RPTOR: variants seen among roughly 807,000 people sequenced by gnomAD.
RPTOR encodes the protein regulatory-associated protein of mTOR.
Under a neutral mutation model 169.9 loss-of-function variants are expected in RPTOR, and 21 were observed. The observed-to-expected ratio is 0.12, with a 90% CI of 0.09 to 0.18. RPTOR has a LOEUF of 0.18. Among genes scored for constraint, RPTOR ranks in the 10% least tolerant of loss-of-function variants. The pLI, the probability that RPTOR is intolerant of heterozygous loss-of-function variation, is 1.00. For synonymous variants in RPTOR, 732 were observed against 753.2 expected, an observed-to-expected ratio of 0.97 and a Z score of 0.46; for missense variants, 1,133 against 1,855.9, an observed-to-expected ratio of 0.61 and a Z score of 7.16.
chr17:80,674,720 G>A (rs1284461559), intron 3 of RPTOR, among the ~76,000 whole-genome samples: 5 of 146,014 alleles, frequency 3.4e-5, no homozygotes, highest in Admixed American at 1.4e-4. Flanking sequence ...CCTGGGAGGC[G>A]AAGCTTTCAG....
intron 21 of RPTOR, among the ~76,000 whole-genome samples, chr17:80,917,365 C>T (rs1329731260): frequency 1.3e-5 from 2 of 152,108 alleles, no homozygotes; most frequent in South Asian, 2.1e-4. Context: ...CCACCTGTCT[C>T]GGCCTCCCAA....
chr17:80,623,135 A>AT (rs1296905769), intron 1 of RPTOR, among the ~76,000 whole-genome samples: 1 of 152,196 alleles, frequency 6.6e-6, no homozygotes, highest in Non-Finnish European at 1.5e-5. Context: ...CTCCACTGTC[A>AT]TCATTTTGTT....
At chr17:80,753,159 C>T (rs567958350) in intron 5 of RPTOR, among the ~76,000 whole-genome samples, 2 of 152,178 alleles carry the variant, frequency 1.3e-5, no homozygotes, top group African/African-American at 2.4e-5. Flanking sequence ...CCTAATCCCC[C>T]ACTCGGGGAT....
Position 80,879,748 on chromosome 17 carries a change from C to T in RPTOR, c.1510-667C>T, listed in dbSNP as rs1265160939. ...GTGCTGACAGCACACAGTAGGTCCT[C>T]ACGACTGAGGCGAGTCATGGCCACG... On this transcript the variant is annotated intron_variant, in intron 13 of 33. Coordinates refer to ENST00000306801, the MANE Select transcript of RPTOR (RefSeq NM_020761.3). 5.9e-5 allele frequency among the ~76,000 whole-genome samples: 9 copies of T among 152,312 alleles called. 1 individual carries two copies. In the South Asian group the frequency reaches 1.4e-3, roughly 25 times the overall value.
At chr17:80,586,946 G>A (rs2065065686) in intron 1 of RPTOR, among the ~76,000 whole-genome samples, 1 of 152,248 alleles carries the variant, frequency 6.6e-6, no homozygotes, top group African/African-American at 2.4e-5. Flanking sequence ...TCAGCATGTA[G>A]CTGTGCTCCG....
At chr17:80,750,408 A>G (rs1014145584) in intron 5 of RPTOR, among the ~76,000 whole-genome samples, 3 of 152,210 alleles carry the variant, frequency 2.0e-5, no homozygotes, top group Admixed American at 6.5e-5. Context: ...GGCGCCTTCC[A>G]CAGTTCAGGA....
chr17:80,762,905 T>TA (rs1176706962), intron 6 of RPTOR, among the ~76,000 whole-genome samples: 11 of 152,028 alleles, frequency 7.2e-5, no homozygotes, highest in Non-Finnish European at 1.5e-4. Context: ...AAGTGTGAGA[T>TA]ACGATGGCTA....
At chr17:80,641,251 T>G (rs2065551880) in intron 2 of RPTOR, among the ~76,000 whole-genome samples, 1 of 152,180 alleles carries the variant, frequency 6.6e-6, no homozygotes, top group African/African-American at 2.4e-5. Context: ...TTATAACAAA[T>G]TTACCACAAT....
intron 6 of RPTOR, among the ~76,000 whole-genome samples, chr17:80,775,335 T>G (rs2066883082): frequency 2.6e-5 from 4 of 152,206 alleles, no homozygotes; most frequent in African/African-American, 9.7e-5. Context: ...AGTCTCAAAC[T>G]CCTGGCCTCA....
In RPTOR at chr17:80,545,614, AC is replaced by A; in HGVS notation, c.-11del. The stretch of plus-strand genomic sequence containing the variant: ...AGCGCTTGCTGCCAAGGACTCCCCC[AC>A]CCCCTCCCCCACTGATGGAGTCCGA... On this transcript the variant is annotated 5_prime_UTR_variant, in exon 1 of 34. Coordinates refer to ENST00000306801, the MANE Select transcript of RPTOR (RefSeq NM_020761.3). The A allele has an allele frequency of 6.9e-6, 11 of 1,594,084 alleles. No homozygotes were observed. The highest frequency in any genetic ancestry group is 4.5e-5 in the South Asian group (4 of 89,590).
rs116394087 is a variant in RPTOR, at chr17:80,659,937, G to A, written c.348+16127G>A. 0.062 allele frequency among the ~76,000 whole-genome samples: 9,484 copies of A among 152,196 alleles called. 994 individuals carry two copies. Among genetic ancestry groups the A allele is most frequent in the African/African-American group, 0.22 (9,044 of 41,486 alleles). On this transcript the variant is annotated intron_variant, in intron 3 of 33. Coordinates refer to ENST00000306801, the MANE Select transcript of RPTOR (RefSeq NM_020761.3). The surrounding 1 kb of genome is among the most constrained non-coding windows in gnomAD (Gnocchi z 4.3). ...TGCTGGGATTTGAGCATGAACCACC[G>A]TGCCTGGCCTGCAGGTAATATTCTT... is the stretch of plus-strand genomic sequence containing the variant.
At chr17:80,785,905 A>AG (rs1567910395) in intron 6 of RPTOR, among the ~76,000 whole-genome samples, 1 of 152,178 alleles carries the variant, frequency 6.6e-6, no homozygotes, top group African/African-American at 2.4e-5. Flanking sequence ...TGGCGAGAGC[A>AG]GGGGGGTGCC....
chr17:80,693,840 G>A (rs1567861212), intron 3 of RPTOR, among the ~76,000 whole-genome samples: 2 of 152,174 alleles, frequency 1.3e-5, no homozygotes, highest in Non-Finnish European at 2.9e-5. Context: ...AGGTGGGCAC[G>A]GGCCTGGAAC....
chr17:80,833,758 G>A (rs182688787), intron 9 of RPTOR, among the ~76,000 whole-genome samples: 22 of 152,332 alleles, frequency 1.4e-4, no homozygotes, highest in African/African-American at 3.6e-4. Context: ...GGGAGGCCAC[G>A]GCAGGCAGAT....
At chr17:80,849,836 C>T (rs1280938214) in intron 11 of RPTOR, among the ~76,000 whole-genome samples, 8 of 152,210 alleles carry the variant, frequency 5.3e-5, no homozygotes, top group Non-Finnish European at 1.0e-4. Flanking sequence ...CGTCTTCTCA[C>T]GAGGAGCTCT....
intron 7 of RPTOR, among the ~76,000 whole-genome samples, chr17:80,793,936 C>T (rs1423347562): frequency 1.3e-5 from 2 of 152,190 alleles, no homozygotes; most frequent in African/African-American, 4.8e-5. Context: ...CTCAGGACAG[C>T]CCCACTGTCG....
At chr17:80,914,100 A>T (rs906191144) in intron 21 of RPTOR, among the ~76,000 whole-genome samples, 3 of 152,264 alleles carry the variant, frequency 2.0e-5, no homozygotes, top group Non-Finnish European at 4.4e-5. Context: ...AAAGGGGTGT[A>T]CTTAACGAAA....
At position 80,830,564 on chromosome 17, in the gene RPTOR, C is replaced by T. The variant is rs551588915; in HGVS notation, c.1136+7341C>T. 4.6e-5 allele frequency among the ~76,000 whole-genome samples: 7 copies of T among 152,306 alleles called. No individual in the cohort carries two copies. The South Asian group carries it at 8.3e-4, about 18-fold the overall frequency. Reference sequence around the variant, plus strand: ...GGGCTGCTGCGCCCCACGGTGCCCCCGCGCTGGGCCATCTTGCACGGGCCG... The same window carrying T: ...GGGCTGCTGCGCCCCACGGTGCCCCTGCGCTGGGCCATCTTGCACGGGCCG... On this transcript the variant is annotated intron_variant, in intron 9 of 33. Transcript: ENST00000306801.
intron 6 of RPTOR, among the ~76,000 whole-genome samples, chr17:80,764,047 T>G (rs2066760988): frequency 6.6e-6 from 1 of 152,052 alleles, no homozygotes. Context: ...AGAAACTGAT[T>G]ATTGATATAT....
Sources: gnomAD v4.1 joint callset for allele counts (sites outside exome capture counted in the v4.1 genomes callset) on GRCh38, gnomAD v4.1.1 for gene constraint, Gnocchi (gnomAD v3.1) non-coding constraint, MANE v1.5 for transcripts, NCBI Gene and HGNC (gene_info 2026-07-23, HGNC 2026-07-21) for gene names.